Variants in PRDM10 observed in about 807,000 individuals in gnomAD.
PRDM10 encodes the protein PR domain zinc finger protein 10.
A neutral mutation model predicts 133.1 loss-of-function variants in PRDM10; 65 were observed. That is an observed-to-expected ratio of 0.49 (90% CI 0.40 to 0.60). The LOEUF is 0.60. PRDM10 is among the 20% of genes least tolerant of loss of function. PRDM10 has a pLI of 0.00. For synonymous variants in PRDM10, 582 were observed against 580.4 expected (o/e 1.00, Z -0.04); for missense variants, 1,137 against 1,507.1 (o/e 0.75, Z 4.07).
chr11:129,975,440 T>G (rs1937708136), intron 1 of PRDM10, among the ~76,000 whole-genome samples: 1 of 151,882 alleles, frequency 6.6e-6, no homozygotes, highest in Non-Finnish European at 1.5e-5. Flanking sequence ...AAAAAAAAAT[T>G]TACACCTAAA....
chr11:129,936,571 T>C (rs1002394851), intron 8 of PRDM10, among the ~76,000 whole-genome samples: 3 of 151,796 alleles, frequency 2.0e-5, no homozygotes, highest in Non-Finnish European at 2.9e-5. Flanking sequence ...GAGAATGGCG[T>C]GAGCCCGGGA....
At chr11:129,906,803 C>T (rs1950029129) in intron 19 of PRDM10, among the ~76,000 whole-genome samples, 1 of 152,018 alleles carries the variant, frequency 6.6e-6, no homozygotes, top group Non-Finnish European at 1.5e-5. Context: ...CATGGTGAAA[C>T]CCCATCCCTG....
At position 129,923,871 on chromosome 11, in the gene PRDM10, T is replaced by G. The variant is rs916367510; in HGVS notation, c.1879-468A>C. On this transcript the variant is annotated intron_variant, in intron 12 of 20. Transcript: ENST00000360871. The surrounding 1 kb of genome is among the most constrained non-coding windows in gnomAD (Gnocchi z 4.4). ...ACAGAAGCAATTTAGCCCCTTTTGA[T>G]CCTTTTACATCTTCTTATAAAATTA... Among the ~76,000 whole-genome samples the G allele has an allele frequency of 6.6e-6, 1 of 152,258 alleles. No homozygotes were observed. Among genetic ancestry groups the G allele is most frequent in the Non-Finnish European group, 1.5e-5 (1 of 68,046 alleles).
intron 1 of PRDM10, among the ~76,000 whole-genome samples, chr11:130,000,671 G>C (rs575983309): frequency 6.6e-6 from 1 of 152,280 alleles, no homozygotes; most frequent in African/African-American, 2.4e-5. Context: ...GAACAGCATA[G>C]CAGAGTGGGA....
chr11:129,909,172 G>A (rs541034770), intron 19 of PRDM10, among the ~76,000 whole-genome samples: 8 of 152,026 alleles, frequency 5.3e-5, no homozygotes, highest in South Asian at 2.1e-4. Flanking sequence ...GTTTGTGGCC[G>A]GGCACAGTGG....
rs746667095 is a variant in PRDM10 at position 129,931,092 on chromosome 11, G to A, written c.1454C>T (p.Pro485Leu). Residue 485 changes from proline to leucine, a missense_variant, in exon 11 of 21, where the codon CCG becomes CTG. Physicochemically the swap from Pro to Leu is moderately conservative, Grantham distance 98 (BLOSUM62 -3). Transcript: ENST00000360871. ...GGGCACCACGCTCTCTTCATGCTGC[G>A]GCTGCAGGTGCAGGGTGTGAGTTTC... Reference protein sequence around the residue: ...EPETHTLHLQPQHEESVVPTQ... With the variant: ...EPETHTLHLQLQHEESVVPTQ... The A allele has an allele frequency of 3.1e-6, 5 of 1,614,206 alleles. No homozygotes were observed. The highest frequency in any genetic ancestry group is 2.2e-5 in the East Asian group (1 of 44,890).
chr11:129,943,556 G>T (rs529329751), intron 6 of PRDM10, among the ~76,000 whole-genome samples: 1 of 152,254 alleles, frequency 6.6e-6, no homozygotes, highest in East Asian at 1.9e-4. Flanking sequence ...AACAGGACTG[G>T]TCCTTATAAG....
At chr11:129,975,559 A>C (rs1235646626) in intron 1 of PRDM10, among the ~76,000 whole-genome samples, 2 of 152,174 alleles carry the variant, frequency 1.3e-5, no homozygotes, top group Non-Finnish European at 2.9e-5. Flanking sequence ...CCACTCCCCC[A>C]TGGTGGGAAT....
chr11:129,997,260 C>T (rs1379856747), intron 1 of PRDM10, among the ~76,000 whole-genome samples: 3 of 152,168 alleles, frequency 2.0e-5, no homozygotes, highest in African/African-American at 7.2e-5. Context: ...GGGTGGATCG[C>T]TTGAGCCACA....
intron 20 of PRDM10, among the ~76,000 whole-genome samples, chr11:129,904,017 T>C (rs1370510689): frequency 5.3e-5 from 8 of 152,132 alleles, no homozygotes; most frequent in Non-Finnish European, 1.0e-4. Flanking sequence ...GTCCTGATCA[T>C]GCCAATATGA....
At chr11:129,942,351 G>A in intron 7 of PRDM10, 75 bp downstream of exon 7, 1 of 1,487,710 alleles carries the variant, frequency 6.7e-7, no homozygotes, top group Non-Finnish European at 9.1e-7. Context: ...CCCACTTTAG[G>A]AAAATAAAAT....
chr11:129,943,321 T>G (rs1951275573), intron 6 of PRDM10, among the ~76,000 whole-genome samples: 1 of 152,208 alleles, frequency 6.6e-6, no homozygotes, highest in African/African-American at 2.4e-5. Context: ...CAAACATTAC[T>G]GGCACACAGC....
intron 1 of PRDM10, among the ~76,000 whole-genome samples, chr11:130,000,421 A>G (rs946397143): frequency 4.6e-5 from 7 of 152,114 alleles, no homozygotes; most frequent in Admixed American, 4.6e-4. Flanking sequence ...GCAGAAACTT[A>G]GGTAGTGCCA....
At chr11:129,982,825 T>C (rs973696638) in intron 1 of PRDM10, among the ~76,000 whole-genome samples, 3 of 151,788 alleles carry the variant, frequency 2.0e-5, no homozygotes, top group Non-Finnish European at 4.4e-5. Flanking sequence ...CTGGGCATGG[T>C]GGTGCACACC....
At chr11:129,911,184 T>G (rs1018335979) in intron 18 of PRDM10, among the ~76,000 whole-genome samples, 1 of 152,182 alleles carries the variant, frequency 6.6e-6, no homozygotes, top group Non-Finnish European at 1.5e-5. Context: ...TACCAGAGTA[T>G]GCAAAAAAAT....
In PRDM10 at chr11:129,925,080, G is replaced by C. The variant is rs1950634993; in HGVS notation, c.1680C>G (p.Leu560=). 1 of 1,614,232 alleles carries C rather than the reference G, an allele frequency of 6.2e-7. No individual in the cohort carries two copies. Among genetic ancestry groups the C allele is most frequent in the South Asian group, 1.1e-5 (1 of 91,086 alleles). The change falls in exon 12 of 21, where the codon CTC becomes CTG. Residue 560 remains leucine, a synonymous_variant. Transcript: ENST00000360871. ...TGCTGCTGATGAAGCCCTTGTTACA[G>C]AGATCACAGGTCAGTGGGCAGTTCC... ...REGNCPLTCD[L]CNKGFISSTS... is the part of the protein sequence containing the mutation.
chr11:129,984,323 T>C lies in PRDM10; in HGVS notation c.-119+18399A>G, dbSNP rs115505103. Among the ~76,000 whole-genome samples, 594 of 152,328 alleles carry C rather than the reference T, an allele frequency of 3.9e-3. 5 individuals are homozygous for C. The highest frequency in any genetic ancestry group is 0.014 in the African/African-American group (562 of 41,560). ...ATCTTTATTAGAATAAAAAACTGTG[T>C]ACTTTTCTAGACTTATATTTCAACA... On this transcript the variant is annotated intron_variant, in intron 1 of 20. Coordinates refer to ENST00000360871, the MANE Select transcript of PRDM10 (RefSeq NM_199437.2).
At chr11:129,977,586 A>AT (rs928550899) in intron 1 of PRDM10, among the ~76,000 whole-genome samples, 2 of 151,860 alleles carry the variant, frequency 1.3e-5, no homozygotes, top group East Asian at 1.9e-4. Context: ...CCAGCCTAAC[A>AT]TTTTTTTTAA....
At chr11:129,964,714 C>T (rs1951869406) in intron 1 of PRDM10, among the ~76,000 whole-genome samples, 1 of 152,168 alleles carries the variant, frequency 6.6e-6, no homozygotes. Context: ...TTTGCAATTA[C>T]ATGTGACACT....
Sources: gnomAD v4.1 joint callset for allele counts (sites outside exome capture counted in the v4.1 genomes callset) on GRCh38, gnomAD v4.1.1 for gene constraint, Gnocchi (gnomAD v3.1) non-coding constraint, MANE v1.5 for transcripts, NCBI Gene and HGNC (gene_info 2026-07-23, HGNC 2026-07-21) for gene names.